PBX1: variants seen among roughly 807,000 people sequenced by gnomAD.
PBX1 encodes the protein pre-B-cell leukemia transcription factor 1.
In PBX1, 6 loss-of-function variants were observed where a neutral mutation model predicts 53.4. That is an observed-to-expected ratio of 0.11 (90% CI 0.06 to 0.22). The LOEUF is 0.22. PBX1 is among the 10% of genes least tolerant of loss of function. The pLI, the probability that PBX1 is intolerant of heterozygous loss-of-function variation, is 1.00. For missense variants in PBX1, 251 were observed against 551.4 expected, an observed-to-expected ratio of 0.46 and a Z score of 5.46; for synonymous variants, 204 against 212.3, an observed-to-expected ratio of 0.96 and a Z score of 0.34.
chr1:164,620,974 C>T (rs1657634362), intron 2 of PBX1, among the ~76,000 whole-genome samples: 1 of 151,528 alleles, frequency 6.6e-6, no homozygotes, highest in African/African-American at 2.4e-5. Context: ...TGAGCCACTG[C>T]GCCCGGCATT....
chr1:164,603,902 A>G (rs916281415), intron 2 of PBX1, among the ~76,000 whole-genome samples: 3 of 147,528 alleles, frequency 2.0e-5, no homozygotes, highest in Non-Finnish European at 4.4e-5. Context: ...ACATTAATGC[A>G]AGACACTCTG....
chr1:164,667,707 C>T (rs898383993), intron 2 of PBX1, among the ~76,000 whole-genome samples: 3 of 152,214 alleles, frequency 2.0e-5, no homozygotes, highest in East Asian at 1.9e-4. Flanking sequence ...GTAATTTTGC[C>T]GAGACAACGC....
chr1:164,716,208 C>T (rs1453565432), intron 2 of PBX1, among the ~76,000 whole-genome samples: 1 of 152,166 alleles, frequency 6.6e-6, no homozygotes, highest in African/African-American at 2.4e-5. Flanking sequence ...ACACACCACC[C>T]ACTGATCTAT....
At chr1:164,826,930 T>C (rs946309823) in intron 8 of PBX1, among the ~76,000 whole-genome samples, 5 of 152,196 alleles carry the variant, frequency 3.3e-5, no homozygotes, top group Middle Eastern at 3.4e-3. Flanking sequence ...AATAGAAAAA[T>C]AGAGATGAAG....
intron 2 of PBX1, among the ~76,000 whole-genome samples, chr1:164,601,008 G>A (rs932701112): frequency 1.4e-4 from 21 of 151,878 alleles, no homozygotes; most frequent in African/African-American, 3.4e-4. Flanking sequence ...AGGCCGAGGC[G>A]GGCAGATCAC....
intron 2 of PBX1, among the ~76,000 whole-genome samples, chr1:164,861,037 CA>C (rs1672084141): frequency 6.7e-6 from 1 of 148,402 alleles, no homozygotes; most frequent in Non-Finnish European, 1.5e-5. Flanking sequence ...ATTGAAGGAA[CA>C]AAAAAGAGGA....
intron 2 of PBX1, among the ~76,000 whole-genome samples, chr1:164,752,949 C>T (rs1011248180): frequency 1.3e-5 from 2 of 152,074 alleles, no homozygotes; most frequent in African/African-American, 2.4e-5. Context: ...TAAGTCTGTG[C>T]ATGTGTGTGT....
intron 2 of PBX1, among the ~76,000 whole-genome samples, chr1:164,859,038 C>T (rs1469089062): frequency 6.6e-6 from 1 of 152,212 alleles, no homozygotes; most frequent in African/African-American, 2.4e-5. Context: ...CCAGACTGAC[C>T]TAACCTCAGT....
intron 2 of PBX1, among the ~76,000 whole-genome samples, chr1:164,687,893 T>C (rs755140126): frequency 2.0e-5 from 3 of 152,190 alleles, no homozygotes; most frequent in Non-Finnish European, 4.4e-5. Flanking sequence ...GGGTTGTTCT[T>C]TCTCTTTATT....
At chr1:164,844,088 A>G (rs1671435701) in intron 8 of PBX1, among the ~76,000 whole-genome samples, 1 of 147,106 alleles carries the variant, frequency 6.8e-6, no homozygotes, top group Non-Finnish European at 1.5e-5. Flanking sequence ...TCTAAGATAC[A>G]TGCCTTTTTT....
chr1:164,792,436 T>C, intron 2 of PBX1, 58 bp from the exon 3 acceptor site: 5 of 1,595,442 alleles, frequency 3.1e-6, no homozygotes, highest in South Asian at 1.1e-5. Flanking sequence ...ATGTGTTGTG[T>C]TTTTTATTTT....
chr1:164,575,914 A>G (rs1339151792), intron 2 of PBX1, among the ~76,000 whole-genome samples: 2 of 152,174 alleles, frequency 1.3e-5, no homozygotes, highest in African/African-American at 4.8e-5. Context: ...CACCAAGTAT[A>G]AAGGCCCAAG....
chr1:164,733,689 G>A (rs1665120086), intron 2 of PBX1, among the ~76,000 whole-genome samples: 1 of 152,150 alleles, frequency 6.6e-6, no homozygotes, highest in Non-Finnish European at 1.5e-5. Context: ...AAGCTCAAGT[G>A]TAAAGGAAAC....
chr1:164,872,034 T>C (rs1672395963), intron 2 of PBX1, among the ~76,000 whole-genome samples: 1 of 152,170 alleles, frequency 6.6e-6, no homozygotes. Context: ...CTTAACCTTT[T>C]TGGGGTGGAA....
chr1:164,566,432 A>G (rs56936057), intron 2 of PBX1, among the ~76,000 whole-genome samples: 3,185 of 152,314 alleles, frequency 0.021, 114 homozygotes, highest in African/African-American at 0.073. Flanking sequence ...ATAGCAATGT[A>G]TATTTCACAT....
At chr1:164,603,728 A>G (rs1018774316) in intron 2 of PBX1, among the ~76,000 whole-genome samples, 1 of 152,190 alleles carries the variant, frequency 6.6e-6, no homozygotes, top group African/African-American at 2.4e-5. Flanking sequence ...GGATACCTAC[A>G]TAAGTCATGT....
At chr1:164,598,656 C>T (rs139715130) in intron 2 of PBX1, among the ~76,000 whole-genome samples, 106 of 152,268 alleles carry the variant, frequency 7.0e-4, no homozygotes, top group Admixed American at 4.4e-3. Flanking sequence ...GTCATTGGTT[C>T]TTATCCTTTC....
chr1:164,685,654 T>C (rs773912488), intron 2 of PBX1, among the ~76,000 whole-genome samples: 14 of 152,254 alleles, frequency 9.2e-5, no homozygotes, highest in South Asian at 2.1e-4. Context: ...TTAGGACTTT[T>C]ATACACATTT....
At chr1:164,877,894 C>T (rs150247450) in intron 2 of PBX1, among the ~76,000 whole-genome samples, 69 of 152,272 alleles carry the variant, frequency 4.5e-4, no homozygotes, top group African/African-American at 1.6e-3. Flanking sequence ...CTCTTCTTGC[C>T]TCATCTTCTC....
Sources: allele counts gnomAD v4.1 joint callset (sites outside exome capture counted in the v4.1 genomes callset), GRCh38; gene constraint gnomAD v4.1.1; transcripts MANE v1.5; gene names NCBI Gene and HGNC (gene_info 2026-07-23, HGNC 2026-07-21).